The following LHX2 variants were observed in gnomAD, a reference collection of about 807,000 sequenced individuals.
LHX2 encodes the protein LIM/homeobox protein Lhx2.
A neutral mutation model predicts 33.0 loss-of-function variants in LHX2; 6 were observed. The ratio of observed to expected loss-of-function variants is 0.18; its 90% CI spans 0.10 to 0.36. LHX2 has a LOEUF of 0.36. Ranked by LOEUF, LHX2 falls within the 10% of genes least tolerant of loss-of-function variation. The pLI, the probability that LHX2 is intolerant of heterozygous loss-of-function variation, is 1.00. For synonymous variants in LHX2, 292 were observed against 253.1 expected, an observed-to-expected ratio of 1.15 and a Z score of -1.46; for missense variants, 442 against 586.2, an observed-to-expected ratio of 0.75 and a Z score of 2.54.
chr9:124,030,154 A>T (rs1187970058), intron 4 of LHX2, among the ~76,000 whole-genome samples: 3 of 152,232 alleles, frequency 2.0e-5, no homozygotes, highest in Non-Finnish European at 4.4e-5. Flanking sequence ...TGGATCTCCC[A>T]CTTTACTCCA....
At position 124,032,574 on chromosome 9, in the gene LHX2, C is replaced by A; in HGVS notation, c.1088C>A (p.Thr363Lys). The A allele has an allele frequency of 6.2e-7, 1 of 1,614,178 alleles. No individual in the cohort carries two copies. The highest frequency in any genetic ancestry group is 8.5e-7 in the Non-Finnish European group (1 of 1,180,016). Residue 363 changes from threonine to lysine, a missense_variant, in exon 5 of 5, where the codon ACG becomes AAG. Thr to Lys is a moderately conservative substitution (Grantham distance 78). This residue lies in a region of LHX2 where 109 missense variants were observed against 98.7 expected (regional missense o/e 1.10). Transcript: ENST00000373615. This position sits in a 1 kb window ranked among gnomAD's most constrained non-coding sequence, Gnocchi z 4.1. ...LSNASLSPSS[T>K]PTTLTDLTSP... is the part of the protein sequence containing the mutation. ...AACGCCTCGCTCAGCCCCTCCAGCA[C>A]GCCCACCACCCTGACAGACTTGACT...
intron 3 of LHX2, among the ~76,000 whole-genome samples, chr9:124,017,397 C>T (rs985487672): frequency 6.6e-6 from 1 of 152,176 alleles, no homozygotes; most frequent in East Asian, 1.9e-4. Flanking sequence ...AGGGCATCTC[C>T]CCGGCCTCTC....
At chr9:124,019,569 C>G (rs1008511850) in intron 3 of LHX2, among the ~76,000 whole-genome samples, 1 of 152,116 alleles carries the variant, frequency 6.6e-6, no homozygotes, top group Non-Finnish European at 1.5e-5. Context: ...GCTGTGTCAC[C>G]TGTAGTATTT....
intron 4 of LHX2, chr9:124,031,613 A>G (rs899170708): frequency 6.6e-6 from 1 of 152,238 alleles, no homozygotes; most frequent in Non-Finnish European, 1.5e-5. Flanking sequence ...ATGAAGAGAG[A>G]CAAGTAAAAG....
chr9:124,026,212 A>G (rs893802888), intron 4 of LHX2, among the ~76,000 whole-genome samples: 3 of 152,062 alleles, frequency 2.0e-5, no homozygotes, highest in Admixed American at 6.6e-5. Context: ...TAATTCCAGC[A>G]CTTTGGGAGG....
Position 124,016,846 on chromosome 9 carries a change from C to T in LHX2, c.727+1321C>T, listed in dbSNP as rs536891254. Among the ~76,000 whole-genome samples, 6 of 152,290 alleles carry T rather than the reference C, an allele frequency of 3.9e-5. No individual in the cohort carries two copies. Among genetic ancestry groups the T allele is most frequent in the African/African-American group, 1.2e-4 (5 of 41,532 alleles). On this transcript the variant is annotated intron_variant, in intron 3 of 4. Transcript: ENST00000373615. This position sits in a 1 kb window ranked among gnomAD's most constrained non-coding sequence, Gnocchi z 4.4. ...CTCTGGAACTTCCATCCCTCCTCTC[C>T]TACCACCCCCCAAAAAAAGACAAAA...
intron 4 of LHX2, among the ~76,000 whole-genome samples, chr9:124,030,490 C>A (rs1000726717): frequency 1.3e-5 from 2 of 152,236 alleles, no homozygotes; most frequent in Non-Finnish European, 2.9e-5. Flanking sequence ...TCAACCCCCC[C>A]AGAGTGGCCT....
intron 4 of LHX2, among the ~76,000 whole-genome samples, chr9:124,027,592 G>A (rs1317611984): frequency 6.6e-6 from 1 of 152,090 alleles, no homozygotes; most frequent in Non-Finnish European, 1.5e-5. Context: ...GCCGAGGTGG[G>A]CAGATCACAA....
rs937962010 is a variant in LHX2 at position 124,032,536 on chromosome 9, C to G, written c.1050C>G (p.Ala350=). ...AGACAGGGACGCCATCGGGCCCGGC[C>G]TCGGAGCTCTCCAACGCCTCGCTCA... The part of the protein sequence containing the change: ...ALQTGTPSGP[A]SELSNASLSP... Residue 350 remains alanine (A), a synonymous_variant, in exon 5 of 5, where the codon GCC becomes GCG. Transcript: ENST00000373615. The surrounding 1 kb of genome is among the most constrained non-coding windows in gnomAD (Gnocchi z 4.1). 14 of 1,613,864 alleles carry G rather than the reference C, an allele frequency of 8.7e-6. 1 individual carries two copies. The East Asian group carries it at 8.9e-5, about 10-fold the overall frequency.
Position 124,012,097 on chromosome 9 carries a change from T to TGACC in LHX2, c.-251_-248dup. On this transcript the variant is annotated 5_prime_UTR_variant, in exon 1 of 5. Transcript: ENST00000373615. The surrounding 1 kb of genome is among the most constrained non-coding windows in gnomAD (Gnocchi z 4.3). ...CCGCCCCGCTTGTCCCGTGCCCTTG[T>TGACC]GACCCTGGCTTTGGCGCCGTCGCCC... 5.5e-6 allele frequency: 1 copy of TGACC among 181,392 alleles called. No individual in the cohort carries two copies. The allele number at this position is 181,392 out of a possible 1,614,324, so 11.2% of individuals were successfully genotyped here.
At chr9:124,031,150 C>T (rs936341872) in intron 4 of LHX2, among the ~76,000 whole-genome samples, 4 of 152,110 alleles carry the variant, frequency 2.6e-5, no homozygotes, top group South Asian at 2.1e-4. Flanking sequence ...AGAGACTCTG[C>T]GGGTTTCAAC....
chr9:124,031,456 A>G (rs562170637), intron 4 of LHX2, among the ~76,000 whole-genome samples: 2 of 138,690 alleles, frequency 1.4e-5, no homozygotes, highest in East Asian at 2.0e-4. Context: ...AAGGAAAAAG[A>G]AAAAAAAAAA....
intron 3 of LHX2, among the ~76,000 whole-genome samples, chr9:124,018,470 G>C (rs1204795431): frequency 6.6e-6 from 1 of 151,998 alleles, no homozygotes; most frequent in Non-Finnish European, 1.5e-5. Flanking sequence ...GCCTCTGGCC[G>C]GCCTCGGCCT....
intron 3 of LHX2, among the ~76,000 whole-genome samples, chr9:124,017,197 C>T (rs977403332): frequency 3.3e-5 from 5 of 152,212 alleles, no homozygotes; most frequent in Non-Finnish European, 7.3e-5. Flanking sequence ...GCCTCCCTCT[C>T]TCTTTTTTTC....
chr9:124,015,434 C>G lies in LHX2; in HGVS notation c.636C>G (p.Pro212=). The part of the protein sequence containing the change: ...GAAGANPLGL[P]YYNGVGTVQK... ...CAGGGGCCAACCCTCTGGGTCTTCC[C>G]TACTACAATGGCGTGGGCACTGTGC... The change falls in exon 3 of 5, where the codon CCC becomes CCG. Residue 212 remains proline (P), a synonymous_variant. Coordinates refer to ENST00000373615, the MANE Select transcript of LHX2 (RefSeq NM_004789.4). This position sits in a 1 kb window ranked among gnomAD's most constrained non-coding sequence, Gnocchi z 7.9. 6.3e-7 allele frequency: 1 copy of G among 1,591,082 alleles called. No homozygotes were observed. The highest frequency in any genetic ancestry group is 1.1e-5 in the South Asian group (1 of 88,492).
At chr9:124,021,366 C>A in intron 4 of LHX2, 62 bp downstream of exon 4, 1 of 1,505,952 alleles carries the variant, frequency 6.6e-7, no homozygotes, top group South Asian at 1.2e-5. Flanking sequence ...GAACCCTGCA[C>A]CCCTCGCCGT....
chr9:124,019,167 C>T (rs771875700), intron 3 of LHX2, among the ~76,000 whole-genome samples: 6 of 152,218 alleles, frequency 3.9e-5, no homozygotes, highest in Non-Finnish European at 7.3e-5. Context: ...TCACTCTGGG[C>T]GTGCTCTCTG....
In LHX2 at chr9:124,032,500, C is replaced by T. The variant is rs776746832; in HGVS notation, c.1014C>T (p.Asp338=). ...ACACGGGCGTGGACAAGTCGACAGA[C>T]GCGGCGCTGCAGACAGGGACGCCAT... ...QENTGVDKST[D]AALQTGTPSG... The change falls in exon 5 of 5, where the codon GAC becomes GAT. Residue 338 remains aspartate (D), a synonymous_variant. Transcript: ENST00000373615. The surrounding 1 kb of genome is among the most constrained non-coding windows in gnomAD (Gnocchi z 4.1). 22 of 1,612,924 alleles carry T rather than the reference C, an allele frequency of 1.4e-5. No homozygotes were observed. The Admixed American group carries it at 1.5e-4, about 11-fold the overall frequency.
intron 3 of LHX2, among the ~76,000 whole-genome samples, chr9:124,018,307 C>T (rs1859229402): frequency 6.6e-6 from 1 of 150,906 alleles, no homozygotes; most frequent in Non-Finnish European, 1.5e-5. Flanking sequence ...AGCCCGGGTC[C>T]TCCCCCTCCC....
Sources: gnomAD v4.1 joint callset for allele counts (sites outside exome capture counted in the v4.1 genomes callset) on GRCh38, gnomAD v4.1.1 for gene constraint, gnomAD v4.1.1 regional missense constraint, Gnocchi (gnomAD v3.1) non-coding constraint, MANE v1.5 for transcripts, NCBI Gene and HGNC (gene_info 2026-07-23, HGNC 2026-07-21) for gene names.